FRMD3: variants seen among roughly 807,000 people sequenced by gnomAD.
FRMD3 encodes the protein FERM domain-containing protein 3.
FRMD3 carries 33 observed loss-of-function variants against 70.2 expected under a neutral mutation model. That is an observed-to-expected ratio of 0.47 (90% confidence interval 0.36 to 0.63). The LOEUF is 0.63. FRMD3 is among the 20% of genes least tolerant of loss of function. The pLI is 0.00. For missense variants in FRMD3, 632 were observed against 711.4 expected (o/e 0.89, Z 1.27); for synonymous variants, 279 against 255.9 (o/e 1.09, Z -0.86).
intron 5 of FRMD3, among the ~76,000 whole-genome samples, chr9:83,339,201 G>A (rs148138513): frequency 3.1e-3 from 478 of 152,254 alleles, no homozygotes; most frequent in African/African-American, 0.011. Flanking sequence ...AGACTGCACC[G>A]GATTGCTGAC....
At chr9:83,348,377 T>C (rs1824032397) in intron 4 of FRMD3, among the ~76,000 whole-genome samples, 1 of 152,226 alleles carries the variant, frequency 6.6e-6, no homozygotes, top group Non-Finnish European at 1.5e-5. Flanking sequence ...CTACATACTA[T>C]ACCATTCCAT....
In FRMD3 at chr9:83,537,819, G is replaced by A. The variant is rs913681064; in HGVS notation, c.147+266C>T. Among the ~76,000 whole-genome samples, 1 of 150,046 alleles carries A rather than the reference G, an allele frequency of 6.7e-6. No homozygotes were observed. The highest frequency in any genetic ancestry group is 2.5e-5 in the African/African-American group (1 of 40,742). ...CAGCTGCCCCGCGCCCCTAGCCCGG[G>A]CGCAGTGAGACGCGCGCGCAGGGTG... is the stretch of plus-strand genomic sequence containing the variant. On this transcript the variant is annotated intron_variant, in intron 1 of 13. Transcript: ENST00000304195. The surrounding 1 kb of genome is among the most constrained non-coding windows in gnomAD (Gnocchi z 4.1).
intron 1 of FRMD3, among the ~76,000 whole-genome samples, chr9:83,410,233 T>G (rs1272229924): frequency 2.6e-5 from 4 of 152,232 alleles, no homozygotes; most frequent in African/African-American, 9.6e-5. Flanking sequence ...GTTTGGGGTA[T>G]GACTGATCCC....
At chr9:83,332,320 T>C (rs1823408790) in intron 6 of FRMD3, among the ~76,000 whole-genome samples, 1 of 152,204 alleles carries the variant, frequency 6.6e-6, no homozygotes, top group Admixed American at 6.5e-5. Flanking sequence ...ATGAAAATTC[T>C]TCTTAAAATC....
chr9:83,460,760 C>T (rs992992531), intron 1 of FRMD3, among the ~76,000 whole-genome samples: 7 of 152,198 alleles, frequency 4.6e-5, no homozygotes, highest in African/African-American at 1.7e-4. Context: ...CCTTGCCCTT[C>T]ATGGGTAACT....
intron 13 of FRMD3, among the ~76,000 whole-genome samples, chr9:83,259,331 G>C (rs1293851743): frequency 2.0e-5 from 3 of 152,096 alleles, no homozygotes; most frequent in African/African-American, 7.2e-5. Context: ...GTAAATTCAG[G>C]GAAGATCTTT....
At chr9:83,420,584 T>A (rs1042113582) in intron 1 of FRMD3, among the ~76,000 whole-genome samples, 1 of 152,038 alleles carries the variant, frequency 6.6e-6, no homozygotes, top group Admixed American at 6.6e-5. Flanking sequence ...GTGATGAAAA[T>A]TTTTATTATC....
At chr9:83,489,491 C>T (rs1325690550) in intron 1 of FRMD3, among the ~76,000 whole-genome samples, 1 of 152,068 alleles carries the variant, frequency 6.6e-6, no homozygotes, top group African/African-American at 2.4e-5. Context: ...AAGCAACCGA[C>T]AAACATGTGA....
At chr9:83,565,680 C>A in the FRMD3 span, among the ~76,000 whole-genome samples, 1 of 152,200 alleles carries the variant, frequency 6.6e-6, no homozygotes, top group Non-Finnish European at 1.5e-5. Context: ...ATCAAATACA[C>A]TGATTAGTAA....
intron 1 of FRMD3, among the ~76,000 whole-genome samples, chr9:83,456,715 C>T (rs994760153): frequency 6.6e-6 from 1 of 152,180 alleles, no homozygotes; most frequent in African/African-American, 2.4e-5. Flanking sequence ...CACAGTGGCT[C>T]ACACCTGTAA....
chr9:83,477,280 T>C (rs1452725524), intron 1 of FRMD3, among the ~76,000 whole-genome samples: 1 of 152,138 alleles, frequency 6.6e-6, no homozygotes, highest in African/African-American at 2.4e-5. Flanking sequence ...TGGAGAGAGA[T>C]GCAAGAAATG....
chr9:83,397,037 T>C (rs1165708305), intron 1 of FRMD3, among the ~76,000 whole-genome samples: 1 of 152,230 alleles, frequency 6.6e-6, no homozygotes, highest in African/African-American at 2.4e-5. Flanking sequence ...GAGCTGATCA[T>C]GGCTGACTGA....
chr9:83,408,900 G>T (rs957250505), intron 1 of FRMD3, among the ~76,000 whole-genome samples: 7 of 152,162 alleles, frequency 4.6e-5, no homozygotes, highest in Non-Finnish European at 8.8e-5. Context: ...ATTTGGAAAT[G>T]GATTTCCCAT....
chr9:83,397,925 G>A (rs1825850464), intron 1 of FRMD3, among the ~76,000 whole-genome samples: 1 of 152,158 alleles, frequency 6.6e-6, no homozygotes, highest in Admixed American at 6.5e-5. Context: ...GTCTTCTAGG[G>A]ACAGATGGAT....
chr9:83,357,131 T>C (rs1824373060), intron 3 of FRMD3, among the ~76,000 whole-genome samples: 1 of 143,612 alleles, frequency 7.0e-6, no homozygotes, highest in Non-Finnish European at 1.5e-5. Flanking sequence ...ATATATTACA[T>C]TATATATATT....
rs558163369 is a variant in FRMD3, at chr9:83,460,006, C to T, written c.148-70298G>A. On this transcript the variant is annotated intron_variant, in intron 1 of 13. Transcript: ENST00000304195. ...CTTCTTATGCGGACATTAATTCCAT[C>T]GGGCAGGGCCCCACCCTCAGGACCT... is the stretch of plus-strand genomic sequence containing the variant. Among the ~76,000 whole-genome samples the T allele has an allele frequency of 3.3e-5, 5 of 152,352 alleles. No individual in the cohort carries two copies. The East Asian group carries it at 5.8e-4, about 18-fold the overall frequency.
At chr9:83,284,061 A>ATTTTTTTTTTTTTTTTTTTTTTTTT (rs71365307) in intron 13 of FRMD3, among the ~76,000 whole-genome samples, 3 of 101,708 alleles carry the variant, frequency 2.9e-5, no homozygotes, top group Admixed American at 1.0e-4. Flanking sequence ...CTAGGATGTT[A>ATTTTTTTTTTTTTTTTTTTTTTTTT]TTTTTTTTTT....
intron 1 of FRMD3, among the ~76,000 whole-genome samples, chr9:83,490,449 T>C (rs3860936): frequency 0.64 from 97,739 of 151,678 alleles, 31,817 homozygotes; most frequent in African/African-American, 0.72. Context: ...CCACCACACC[T>C]GGCAAATTTT....
At chr9:83,497,621 C>A (rs1180167752) in intron 1 of FRMD3, among the ~76,000 whole-genome samples, 1 of 152,174 alleles carries the variant, frequency 6.6e-6, no homozygotes, top group Non-Finnish European at 1.5e-5. Context: ...TCATGTACAA[C>A]CAATGGGGTG....
Sources: allele counts gnomAD v4.1 joint callset (sites outside exome capture counted in the v4.1 genomes callset), GRCh38; gene constraint gnomAD v4.1.1; non-coding constraint Gnocchi (gnomAD v3.1); transcripts MANE v1.5; gene names NCBI Gene and HGNC (gene_info 2026-07-23, HGNC 2026-07-21).